Variants in KCNIP4 observed in about 807,000 individuals in gnomAD.
KCNIP4 encodes potassium voltage-gated channel interacting protein 4.
Under a neutral mutation model 34.0 loss-of-function variants are expected in KCNIP4, and 12 were observed. The observed-to-expected ratio is 0.35, with a 90% CI of 0.23 to 0.57. The LOEUF is 0.57. Ranked by LOEUF, KCNIP4 falls within the 20% of genes least tolerant of loss-of-function variation. The probability of loss-of-function intolerance (pLI) is 0.83; values close to 1 mark genes in which losing one functional copy is unlikely to be tolerated. For missense variants in KCNIP4, 238 were observed against 311.7 expected (o/e 0.76, Z 1.78); for synonymous variants, 124 against 102.2 (o/e 1.21, Z -1.29).
intron 1 of KCNIP4, among the ~76,000 whole-genome samples, chr4:21,510,207 CA>C (rs547496570): frequency 6.6e-6 from 1 of 150,800 alleles, no homozygotes; most frequent in Admixed American, 6.6e-5. Flanking sequence ...GCCTGTACTT[CA>C]AAAAAAACTC....
At chr4:20,739,932 A>T (rs1415578405) in intron 5 of KCNIP4, among the ~76,000 whole-genome samples, 1 of 152,192 alleles carries the variant, frequency 6.6e-6, no homozygotes, top group Non-Finnish European at 1.5e-5. Flanking sequence ...ATGGCACAAG[A>T]ACTATCTGAT....
At chr4:21,098,785 G>A (rs951891664) in intron 1 of KCNIP4, among the ~76,000 whole-genome samples, 1 of 152,064 alleles carries the variant, frequency 6.6e-6, no homozygotes, top group Non-Finnish European at 1.5e-5. Flanking sequence ...GAATAATTTT[G>A]ATTTTCTCAT....
At chr4:21,208,668 G>A (rs940006656) in intron 1 of KCNIP4, among the ~76,000 whole-genome samples, 2 of 151,916 alleles carry the variant, frequency 1.3e-5, no homozygotes, top group African/African-American at 4.8e-5. Flanking sequence ...CAATTACCGT[G>A]CCTATTGAAA....
At chr4:21,870,341 T>C (rs1432937844) in intron 1 of KCNIP4, among the ~76,000 whole-genome samples, 1 of 152,160 alleles carries the variant, frequency 6.6e-6, no homozygotes, top group Non-Finnish European at 1.5e-5. Context: ...AAACTACTAG[T>C]TATAAATTTC....
chr4:21,192,909 C>T (rs868113032), intron 1 of KCNIP4, among the ~76,000 whole-genome samples: 2 of 130,854 alleles, frequency 1.5e-5, no homozygotes, highest in Middle Eastern at 4.0e-3. Context: ...GCCCTGCCGC[C>T]CCGTCTCTAC....
intron 1 of KCNIP4, among the ~76,000 whole-genome samples, chr4:21,221,199 T>G (rs9995215): frequency 0.093 from 14,206 of 152,156 alleles, 2,138 homozygotes; most frequent in African/African-American, 0.32. Context: ...CCTCCAGTTT[T>G]TTTGAGGGCA....
intron 1 of KCNIP4, among the ~76,000 whole-genome samples, chr4:21,786,583 T>TC (rs1349429077): frequency 6.6e-6 from 1 of 151,594 alleles, no homozygotes; most frequent in African/African-American, 2.4e-5. Context: ...TTTTTTTTTT[T>TC]TTGAGATGGA....
chr4:21,908,192 G>A lies in KCNIP4; in HGVS notation c.61+40379C>T, dbSNP rs141068498. Reference sequence around the variant, plus strand: ...GCACAAAAGAGTCATATATCCTTTGGGTGGTTTTCTGCTGTATCTGCCTAC... The same window carrying A: ...GCACAAAAGAGTCATATATCCTTTGAGTGGTTTTCTGCTGTATCTGCCTAC... On this transcript the variant is annotated intron_variant, in intron 1 of 8. Coordinates refer to ENST00000382152, the MANE Select transcript of KCNIP4 (RefSeq NM_025221.6). 3.0e-3 allele frequency among the ~76,000 whole-genome samples: 458 copies of A among 152,156 alleles called. 2 individuals are homozygous for A. The highest frequency in any genetic ancestry group is 0.01 in the African/African-American group (431 of 41,524).
At chr4:20,986,059 C>A (rs546555779) in intron 1 of KCNIP4, among the ~76,000 whole-genome samples, 1 of 152,228 alleles carries the variant, frequency 6.6e-6, no homozygotes, top group South Asian at 2.1e-4. Context: ...TCCCTGGGGT[C>A]CCCTGCTCAC....
At chr4:21,348,152 T>C (rs909598886) in intron 1 of KCNIP4, among the ~76,000 whole-genome samples, 1 of 152,194 alleles carries the variant, frequency 6.6e-6, no homozygotes, top group Admixed American at 6.5e-5. Flanking sequence ...AGTATTGAGC[T>C]TGACTGGTAT....
intron 1 of KCNIP4, among the ~76,000 whole-genome samples, chr4:21,771,344 C>A (rs1268973539): frequency 6.6e-6 from 1 of 152,056 alleles, no homozygotes; most frequent in African/African-American, 2.4e-5. Context: ...GTTACTGTAG[C>A]CTTGTAGTAT....
chr4:21,668,615 A>G (rs1468077344), intron 1 of KCNIP4, among the ~76,000 whole-genome samples: 1 of 152,202 alleles, frequency 6.6e-6, no homozygotes, highest in Non-Finnish European at 1.5e-5. Context: ...ATTATATACA[A>G]GAAGATAACA....
intron 1 of KCNIP4, among the ~76,000 whole-genome samples, chr4:21,097,510 A>T (rs1451051510): frequency 2.0e-5 from 3 of 152,130 alleles, no homozygotes; most frequent in African/African-American, 7.2e-5. Context: ...TTAAAGTCTC[A>T]GTGTCACATT....
At chr4:21,781,996 G>A (rs1366157409) in intron 1 of KCNIP4, among the ~76,000 whole-genome samples, 2 of 151,670 alleles carry the variant, frequency 1.3e-5, no homozygotes, top group African/African-American at 4.8e-5. Context: ...ATTCAAAAAT[G>A]TTCAAGTAAC....
At chr4:21,388,458 T>C (rs1236675542) in intron 1 of KCNIP4, among the ~76,000 whole-genome samples, 2 of 152,014 alleles carry the variant, frequency 1.3e-5, no homozygotes, top group East Asian at 3.9e-4. Context: ...GTACTCAATA[T>C]ACCCATAGAT....
intron 1 of KCNIP4, among the ~76,000 whole-genome samples, chr4:21,415,455 G>A (rs765127558): frequency 7.2e-5 from 11 of 151,852 alleles, no homozygotes; most frequent in Non-Finnish European, 1.5e-4. Flanking sequence ...ACATTAGGAG[G>A]CTGAGGCAGG....
chr4:21,935,431 C>T (rs1729804491), intron 1 of KCNIP4, among the ~76,000 whole-genome samples: 1 of 152,010 alleles, frequency 6.6e-6, no homozygotes, highest in African/African-American at 2.4e-5. Flanking sequence ...AGCCTCATCA[C>T]TTCTCAGGTC....
At chr4:21,361,269 A>G (rs1386013711) in intron 1 of KCNIP4, among the ~76,000 whole-genome samples, 1 of 152,082 alleles carries the variant, frequency 6.6e-6, no homozygotes, top group Non-Finnish European at 1.5e-5. Flanking sequence ...TTCTCCATCT[A>G]TAAAATGATG....
chr4:21,478,151 T>C (rs1271022035), intron 1 of KCNIP4, among the ~76,000 whole-genome samples: 1 of 152,162 alleles, frequency 6.6e-6, no homozygotes, highest in Non-Finnish European at 1.5e-5. Flanking sequence ...TTTTGGACTT[T>C]TCCTTTCTTA....
Sources: gnomAD v4.1 joint callset for allele counts (sites outside exome capture counted in the v4.1 genomes callset) on GRCh38, gnomAD v4.1.1 for gene constraint, MANE v1.5 for transcripts, NCBI Gene and HGNC (gene_info 2026-07-23, HGNC 2026-07-21) for gene names.